AKNA: variants seen among roughly 807,000 people sequenced by gnomAD.
AKNA encodes the protein AT-hook transcription factor.
A neutral mutation model predicts 138.8 loss-of-function variants in AKNA; 67 were observed. The ratio of observed to expected loss-of-function variants is 0.48; its 90% CI spans 0.40 to 0.59. The LOEUF (loss-of-function observed/expected upper bound fraction) is 0.59, where lower values mean the gene tolerates loss of function less well. Among genes scored for constraint, AKNA ranks in the 20% least tolerant of loss-of-function variants. AKNA has a pLI of 0.00. For missense variants in AKNA, 1,813 were observed against 1,880.4 expected, an observed-to-expected ratio of 0.96 and a Z score of 0.66; for synonymous variants, 737 against 754.4, an observed-to-expected ratio of 0.98 and a Z score of 0.38.
upstream of AKNA, among the ~76,000 whole-genome samples, chr9:114,395,964 T>C (rs1182782744): frequency 1.3e-5 from 2 of 152,156 alleles, no homozygotes; most frequent in Non-Finnish European, 2.9e-5. Context: ...TGAGAAGCTG[T>C]GTGACTCTCG....
intron 2 of AKNA, among the ~76,000 whole-genome samples, chr9:114,380,470 C>T (rs142343576): frequency 1.3e-5 from 2 of 151,954 alleles, no homozygotes; most frequent in African/African-American, 4.8e-5. Flanking sequence ...ATTCACATTA[C>T]ATTTGCATAT....
At chr9:114,382,053 C>G (rs1393529128) in intron 1 of AKNA, among the ~76,000 whole-genome samples, 1 of 152,320 alleles carries the variant, frequency 6.6e-6, no homozygotes, top group Middle Eastern at 3.4e-3. Context: ...TTACTGCGTA[C>G]TGGCTCTTCG....
intron 21 of AKNA, among the ~76,000 whole-genome samples, chr9:114,339,632 G>A (rs188425619): frequency 1.2e-4 from 19 of 152,264 alleles, no homozygotes; most frequent in African/African-American, 4.3e-4. Context: ...TGGCTACCGT[G>A]GGGTCACCAA....
At chr9:114,347,975 G>C (rs1216788939) in intron 15 of AKNA, 75 bp from the exon 16 acceptor site, 1 of 1,489,144 alleles carries the variant, frequency 6.7e-7, no homozygotes, top group African/African-American at 1.4e-5. Context: ...AGTATGCCAG[G>C]ATGCGGCAGC....
At chr9:114,395,050 C>T (rs1284799374), upstream of AKNA, among the ~76,000 whole-genome samples, 3 of 152,112 alleles carry the variant, frequency 2.0e-5, no homozygotes, top group African/African-American at 4.8e-5. Context: ...AGCTGGAGTT[C>T]GCCTGACATT....
In AKNA at chr9:114,337,012, T is replaced by TGGGGGGGGGGGGGGGGGC; in HGVS notation, c.*41_*42insGCCCCCCCCCCCCCCCCC. On this transcript the variant is annotated 3_prime_UTR_variant, in exon 22 of 22. Coordinates refer to ENST00000374088, the MANE Select transcript of AKNA (RefSeq NM_001317950.2). ...CCCACTCCTGGCCTGGCAGGCCACC[T>TGGGGGGGGGGGGGGGGGC]GCCCACCCACCCACCCATCTGCCTC... is the stretch of plus-strand genomic sequence containing the variant. 1 of 1,208,224 alleles carries TGGGGGGGGGGGGGGGGGC rather than the reference T, an allele frequency of 8.3e-7. No homozygotes were observed. Among genetic ancestry groups the TGGGGGGGGGGGGGGGGGC allele is most frequent in the Non-Finnish European group, 1.1e-6 (1 of 929,350 alleles). 74.8% of individuals were successfully genotyped at this position (1,208,224 alleles called of 1,614,324 possible). A position where few individuals can be genotyped will look rare whatever the true frequency, so the allele number is the denominator to read the frequency against.
Position 114,355,905 on chromosome 9 carries a change from A to G in AKNA, c.3058+20T>C. 1 of 1,613,280 alleles carries G rather than the reference A, an allele frequency of 6.2e-7. No homozygotes were observed. Among genetic ancestry groups the G allele is most frequent in the Non-Finnish European group, 8.5e-7 (1 of 1,179,416 alleles). On this transcript the variant is annotated intron_variant, in intron 14 of 21. Transcript: ENST00000374088. The stretch of plus-strand genomic sequence containing the variant: ...TTTTCAACCCATGCAGTTCTGTCCA[A>G]GTCAGACTCCTGCACTCACCCATCT...
chr9:114,376,437 A>T (rs989253541), intron 3 of AKNA, 29 bp downstream of exon 3: 1 of 1,611,092 alleles, frequency 6.2e-7, no homozygotes, highest in African/African-American at 1.3e-5. Flanking sequence ...GGCCTTGGTG[A>T]CACATCCACA....
In AKNA at chr9:114,377,470, G is replaced by T. The variant is rs749205492; in HGVS notation, c.337C>A (p.Gln113Lys). The change falls in exon 3 of 22, where the codon CAG becomes AAG. Residue 113 changes from glutamine (Q) to lysine (K), a missense_variant. Coordinates refer to ENST00000374088, the MANE Select transcript of AKNA (RefSeq NM_001317950.2). ...SSHEPLAWLP[Q>K]QGRQLDMTEE... Reference sequence around the variant, plus strand: ...GTCATGTCCAGCTGACGGCCCTGCTGGGGGAGCCAGGCAAGAGGCTCATGG... The same window carrying T: ...GTCATGTCCAGCTGACGGCCCTGCTTGGGGAGCCAGGCAAGAGGCTCATGG... The T allele has an allele frequency of 6.3e-5, 101 of 1,613,026 alleles. No homozygotes were observed. Among genetic ancestry groups the T allele is most frequent in the East Asian group, 6.7e-5 (3 of 44,878 alleles).
chr9:114,393,231 T>C (rs1482787332), intron 1 of AKNA, among the ~76,000 whole-genome samples: 1 of 150,938 alleles, frequency 6.6e-6, no homozygotes, highest in African/African-American at 2.4e-5. Flanking sequence ...TTTTTTTTTT[T>C]TGGAGATGGA....
At chr9:114,370,378 T>A (rs893670602) in intron 4 of AKNA, among the ~76,000 whole-genome samples, 4 of 152,170 alleles carry the variant, frequency 2.6e-5, no homozygotes, top group Admixed American at 6.5e-5. Flanking sequence ...CAGACCCCTC[T>A]CTCAGCCTCA....
In AKNA at chr9:114,359,649, C is replaced by A; in HGVS notation, c.2437G>T (p.Val813Phe). 2 of 1,614,074 alleles carry A rather than the reference C, an allele frequency of 1.2e-6. No homozygotes were observed. The highest frequency in any genetic ancestry group is 1.7e-6 in the Non-Finnish European group (2 of 1,179,966). The change falls in exon 11 of 22, where the codon GTC becomes TTC. Residue 813 changes from valine to phenylalanine, a missense_variant. Val to Phe is a conservative substitution (Grantham distance 50). Transcript: ENST00000374088. The part of the protein sequence containing the change: ...ATPGKAEATR[V>F]LPRQCPVQAE... The stretch of plus-strand genomic sequence containing the variant: ...TGCACCGGGCACTGCCTTGGGAGGA[C>A]CCTGGTGGCCTCTGCTTTCCCTGGA...
rs562796299 is a variant in AKNA, at chr9:114,373,041, C to T, written c.1416+1052G>A. The stretch of plus-strand genomic sequence containing the variant: ...CACAGTGGCCTCCGCCCACCTGCCC[C>T]GGAAGTGCCTCTCGACATTGAGAGC... On this transcript the variant is annotated intron_variant, in intron 4 of 21. Transcript: ENST00000374088. Among the ~76,000 whole-genome samples, 14 of 151,716 alleles carry T rather than the reference C, an allele frequency of 9.2e-5. No individual in the cohort carries two copies. In the South Asian group the frequency reaches 2.1e-3, roughly 23 times the overall value.
chr9:114,345,753 A>G, intron 18 of AKNA, 110 bp downstream of exon 18: 2 of 1,031,058 alleles, frequency 1.9e-6, no homozygotes, highest in Non-Finnish European at 2.8e-6. Context: ...GAACTGATAG[A>G]AAATGATATT....
rs145956785 is a variant in AKNA, at chr9:114,378,418, G to A, written c.275-886C>T. On this transcript the variant is annotated intron_variant, in intron 2 of 21. Coordinates refer to ENST00000374088, the MANE Select transcript of AKNA (RefSeq NM_001317950.2). Reference sequence around the variant, plus strand: ...TAGCAGCAGTTTTCCATTTATTTGTGCAGTTGTTTCATTGACATTTGTCTC... The same window carrying A: ...TAGCAGCAGTTTTCCATTTATTTGTACAGTTGTTTCATTGACATTTGTCTC... Among the ~76,000 whole-genome samples the A allele has an allele frequency of 1.2e-3, 177 of 152,264 alleles. 1 individual carries two copies. The highest frequency in any genetic ancestry group is 6.2e-3 in the Admixed American group (95 of 15,288).
At chr9:114,330,973 C>G (rs1254428452), downstream of AKNA, 1 of 848,694 alleles carries the variant, frequency 1.2e-6, no homozygotes, top group African/African-American at 1.7e-5. Flanking sequence ...GAAATAACCA[C>G]TAACATTTTT....
Position 114,377,196 on chromosome 9 carries a change from C to T in AKNA, c.611G>A (p.Gly204Glu). The change falls in exon 3 of 22, where the codon GGG becomes GAG. Residue 204 changes from glycine to glutamate, a missense_variant. Transcript: ENST00000374088. ...ACTAGGGTGGTCGAGGCTCACTGTC[C>T]CACTGCTCCAGGACCTTGCCGGGCT... ...ELSPARSWSS[G>E]TVSLDHPSDS... 3 of 1,614,180 alleles carry T rather than the reference C, an allele frequency of 1.9e-6. No individual in the cohort carries two copies. The highest frequency in any genetic ancestry group is 1.3e-5 in the African/African-American group (1 of 75,046).
intron 18 of AKNA, chr9:114,344,526 C>T (rs968738330): frequency 3.3e-5 from 5 of 152,322 alleles, no homozygotes; most frequent in African/African-American, 1.2e-4. Flanking sequence ...CATCTCATTT[C>T]CCTCCTGTGC....
In AKNA at chr9:114,374,144, G is replaced by C; in HGVS notation, c.1365C>G (p.Thr455=). 6.4e-7 allele frequency: 1 copy of C among 1,558,910 alleles called. No homozygotes were observed. The highest frequency in any genetic ancestry group is 8.7e-7 in the Non-Finnish European group (1 of 1,150,818). Residue 455 remains threonine (T), a synonymous_variant, in exon 4 of 22, where the codon ACC becomes ACG. Transcript: ENST00000374088. ...QLQEDYHRLL[T]KYAEAENTID... ...TGGTGTTCTCGGCCTCAGCGTACTT[G>C]GTGAGGAGCCTGTGGTAGTCTTCCT... is the stretch of plus-strand genomic sequence containing the variant.
Sources: allele counts gnomAD v4.1 joint callset (sites outside exome capture counted in the v4.1 genomes callset), GRCh38; gene constraint gnomAD v4.1.1; transcripts MANE v1.5; gene names NCBI Gene and HGNC (gene_info 2026-07-23, HGNC 2026-07-21).